KIAA1217: variants seen among roughly 807,000 people sequenced by gnomAD.
KIAA1217 encodes the protein KIAA1217.
In KIAA1217, 88 loss-of-function variants were observed where a neutral mutation model predicts 163.9. The observed-to-expected ratio is 0.54, with a 90% CI of 0.45 to 0.64. KIAA1217 has a LOEUF of 0.64. Ranked by LOEUF, KIAA1217 falls within the 30% of genes least tolerant of loss-of-function variation. The pLI, the probability that KIAA1217 is intolerant of heterozygous loss-of-function variation, is 0.00. For missense variants in KIAA1217, 2,372 were observed against 2,475.0 expected, an observed-to-expected ratio of 0.96 and a Z score of 0.88; for synonymous variants, 903 against 923.1, an observed-to-expected ratio of 0.98 and a Z score of 0.39.
In KIAA1217 at chr10:23,968,849, C is replaced by T. The variant is rs145767199; in HGVS notation, c.-320-38376C>T. ...AAACAATATTTCATTGGTAAAGATA[C>T]ACTATATTTTATTTATCTATTCATT... On this transcript the variant is annotated intron_variant, in intron 1 of 18. Transcript: ENST00000376462. Among the ~76,000 whole-genome samples, 174 of 152,246 alleles carry T rather than the reference C, an allele frequency of 1.1e-3. 1 individual carries two copies. The highest frequency in any genetic ancestry group is 4.8e-3 in the South Asian group (23 of 4,822).
In KIAA1217 at chr10:24,499,962, A is replaced by G. The variant is rs138662350; in HGVS notation, c.1835-1417A>G. On this transcript the variant is annotated intron_variant, in intron 8 of 20. Coordinates refer to ENST00000376454, the MANE Select transcript of KIAA1217 (RefSeq NM_019590.5). ...GCCAAGCAAGAAAGAGGATAGTTTC[A>G]GGGAGCTCCCTGGCTCATGAGCCAC... is the stretch of plus-strand genomic sequence containing the variant. Among the ~76,000 whole-genome samples, 666 of 152,260 alleles carry G rather than the reference A, an allele frequency of 4.4e-3. 3 individuals are homozygous for G. Among genetic ancestry groups the G allele is most frequent in the African/African-American group, 0.015 (608 of 41,564 alleles).
intron 1 of KIAA1217, among the ~76,000 whole-genome samples, chr10:23,812,592 T>C (rs7090982): frequency 0.082 from 12,455 of 152,204 alleles, 1,605 homozygotes; most frequent in African/African-American, 0.28. Flanking sequence ...TTTGGTGTAT[T>C]CCCAGAGTTG....
chr10:24,399,626 G>A (rs1453342081), intron 3 of KIAA1217, among the ~76,000 whole-genome samples: 1 of 152,056 alleles, frequency 6.6e-6, no homozygotes, highest in Non-Finnish European at 1.5e-5. Context: ...TCAGTTCCTG[G>A]GTCCATCAGA....
chr10:23,725,759 A>G (rs1838097895), intron 1 of KIAA1217, among the ~76,000 whole-genome samples: 1 of 152,236 alleles, frequency 6.6e-6, no homozygotes, highest in Non-Finnish European at 1.5e-5. Context: ...TACAGAGACT[A>G]GCATTTTACT....
intron 1 of KIAA1217, among the ~76,000 whole-genome samples, chr10:23,773,111 T>A (rs1205346542): frequency 6.6e-6 from 1 of 152,180 alleles, no homozygotes; most frequent in Non-Finnish European, 1.5e-5. Flanking sequence ...AAAACAGGGA[T>A]GGGCTGGAGA....
At chr10:24,447,478 C>T (rs1401397425) in intron 5 of KIAA1217, among the ~76,000 whole-genome samples, 1 of 152,030 alleles carries the variant, frequency 6.6e-6, no homozygotes, top group Non-Finnish European at 1.5e-5. Flanking sequence ...TGAGTGAGAA[C>T]ATGTGGTGTT....
intron 3 of KIAA1217, among the ~76,000 whole-genome samples, chr10:24,409,997 CTTT>C (rs71397947): frequency 8.9e-5 from 11 of 123,850 alleles, no homozygotes; most frequent in Non-Finnish European, 1.5e-4. Context: ...TTTCTTTTTT[CTTT>C]TTTTTTTTTT....
chr10:24,504,882 A>G (rs1479848331), intron 9 of KIAA1217, among the ~76,000 whole-genome samples: 1 of 152,220 alleles, frequency 6.6e-6, no homozygotes, highest in Admixed American at 6.5e-5. Flanking sequence ...GAACCTAAGC[A>G]GAAGATCAAG....
chr10:24,291,663 T>A (rs1185093144), intron 2 of KIAA1217, among the ~76,000 whole-genome samples: 3 of 152,144 alleles, frequency 2.0e-5, no homozygotes, highest in Non-Finnish European at 2.9e-5. Context: ...TGGGCTTTCA[T>A]CAGAAGTATG....
At chr10:23,782,513 A>C (rs1161110222) in intron 1 of KIAA1217, among the ~76,000 whole-genome samples, 1 of 152,132 alleles carries the variant, frequency 6.6e-6, no homozygotes, top group Non-Finnish European at 1.5e-5. Context: ...GCTCACTGCA[A>C]CCTCTGCCTC....
At chr10:24,469,842 C>T (rs1368883127) in intron 5 of KIAA1217, among the ~76,000 whole-genome samples, 1 of 152,172 alleles carries the variant, frequency 6.6e-6, no homozygotes, top group Non-Finnish European at 1.5e-5. Flanking sequence ...GAACTCCTGA[C>T]CTCAAGTGAT....
At chr10:23,984,861 T>C (rs1464927298) in intron 1 of KIAA1217, among the ~76,000 whole-genome samples, 1 of 151,696 alleles carries the variant, frequency 6.6e-6, no homozygotes, top group African/African-American at 2.4e-5. Context: ...CAAACTACCA[T>C]GGCACATCTA....
intron 1 of KIAA1217, among the ~76,000 whole-genome samples, chr10:23,809,825 A>G (rs1837062011): frequency 6.6e-6 from 1 of 152,054 alleles, no homozygotes; most frequent in Non-Finnish European, 1.5e-5. Context: ...ATAGCAACAC[A>G]TGTATCTGCA....
chr10:24,138,672 A>G (rs1040172367), intron 2 of KIAA1217, among the ~76,000 whole-genome samples: 1 of 151,900 alleles, frequency 6.6e-6, no homozygotes, highest in South Asian at 2.1e-4. Flanking sequence ...ACTCCAATGA[A>G]CATTTATATA....
chr10:24,355,632 C>T (rs2048989390), intron 2 of KIAA1217, among the ~76,000 whole-genome samples: 1 of 147,588 alleles, frequency 6.8e-6, no homozygotes. Context: ...GGGGCACTCA[C>T]ATTCAGTTCA....
intron 1 of KIAA1217, among the ~76,000 whole-genome samples, chr10:23,892,621 G>T (rs768493390): frequency 2.5e-4 from 38 of 151,798 alleles, no homozygotes; most frequent in Non-Finnish European, 1.8e-4. Context: ...TTTCCTCCAG[G>T]GAGGAGAAAT....
At chr10:24,198,070 C>T (rs970063225) in intron 2 of KIAA1217, among the ~76,000 whole-genome samples, 4 of 152,320 alleles carry the variant, frequency 2.6e-5, no homozygotes, top group East Asian at 1.9e-4. Flanking sequence ...TGCTGTGTTG[C>T]TTATGAGTTT....
At chr10:23,857,256 T>TCAGA (rs1839734860) in intron 1 of KIAA1217, among the ~76,000 whole-genome samples, 1 of 152,136 alleles carries the variant, frequency 6.6e-6, no homozygotes, top group South Asian at 2.1e-4. Context: ...ACTTCAGGGG[T>TCAGA]CAGAACATCT....
intron 2 of KIAA1217, among the ~76,000 whole-genome samples, chr10:24,148,367 T>G (rs911881057): frequency 7.2e-5 from 11 of 151,810 alleles, no homozygotes; most frequent in Non-Finnish European, 2.9e-5. Flanking sequence ...AAGCTTAGTG[T>G]TTTTTTTCCA....
Sources: gnomAD v4.1 joint callset for allele counts (sites outside exome capture counted in the v4.1 genomes callset) on GRCh38, gnomAD v4.1.1 for gene constraint, MANE v1.5 for transcripts, NCBI Gene and HGNC (gene_info 2026-07-23, HGNC 2026-07-21) for gene names.